The following ABCA5 variants were observed in gnomAD, a reference collection of about 807,000 sequenced individuals.
ABCA5 encodes ATP binding cassette subfamily A member 5.
In ABCA5, 163 loss-of-function variants were observed where a neutral mutation model predicts 206.0. The observed-to-expected ratio is 0.79, with a 90% confidence interval of 0.70 to 0.90. The LOEUF (loss-of-function observed/expected upper bound fraction) is 0.90, where lower values mean the gene tolerates loss of function less well. ABCA5 is among the 40% of genes least tolerant of loss of function. The pLI is 0.00. For synonymous variants in ABCA5, 609 were observed against 613.8 expected, an observed-to-expected ratio of 0.99 and a Z score of 0.11; for missense variants, 1,859 against 1,912.9, an observed-to-expected ratio of 0.97 and a Z score of 0.53.
In ABCA5 at chr17:69,261,682, T is replaced by TAAAG; in HGVS notation, c.3378_3381dup (p.Lys1128LeufsTer2). 6.6e-7 allele frequency: 1 copy of TAAAG among 1,519,412 alleles called. No individual in the cohort carries two copies. The highest frequency in any genetic ancestry group is 8.9e-7 in the Non-Finnish European group (1 of 1,129,332). 94.1% of individuals were successfully genotyped at this position (1,519,412 alleles called of 1,614,324 possible). A position where few individuals can be genotyped will look rare whatever the true frequency, so the allele number is the denominator to read the frequency against. Reference sequence around the variant, plus strand: ...AATTCTTTGGTATTTAAAATTTTCTTAAAGGTGAAAGAAGCAATATAAGTG... The same window carrying TAAAG: ...AATTCTTTGGTATTTAAAATTTTCTTAAAGAAAGGTGAAAGAAGCAATATAAGTG... On this transcript the variant is annotated frameshift_variant, in exon 25 of 39. Coordinates refer to ENST00000392676, the MANE Select transcript of ABCA5 (RefSeq NM_172232.4). LOFTEE classifies it high-confidence loss of function.
chr17:69,288,423 T>A (rs1300750960), intron 14 of ABCA5, among the ~76,000 whole-genome samples: 1 of 152,212 alleles, frequency 6.6e-6, no homozygotes, highest in Non-Finnish European at 1.5e-5. Context: ...AATCACTCCT[T>A]TGATTTTGTT....
chr17:69,300,935 C>T (rs547684061), intron 9 of ABCA5, among the ~76,000 whole-genome samples: 1 of 152,234 alleles, frequency 6.6e-6, no homozygotes, highest in Non-Finnish European at 1.5e-5. Context: ...AAACTGCTCT[C>T]TTTTTACACG....
intron 8 of ABCA5, among the ~76,000 whole-genome samples, chr17:69,301,855 G>T (rs916551665): frequency 6.6e-6 from 1 of 152,022 alleles, no homozygotes; most frequent in Admixed American, 6.6e-5. Flanking sequence ...TACTATTCTA[G>T]GCTTCAGTCC....
intron 18 of ABCA5, among the ~76,000 whole-genome samples, chr17:69,280,001 A>G (rs1207463081): frequency 6.6e-6 from 1 of 152,230 alleles, no homozygotes; most frequent in Admixed American, 6.5e-5. Context: ...AAACACCAAA[A>G]GCAATAGCAA....
At chr17:69,303,199 C>G (rs950756073) in intron 7 of ABCA5, among the ~76,000 whole-genome samples, 1 of 152,136 alleles carries the variant, frequency 6.6e-6, no homozygotes, top group Non-Finnish European at 1.5e-5. Flanking sequence ...CTCACTGCAA[C>G]CTCCACCTCC....
At chr17:69,250,675 T>C (rs916830003) in intron 35 of ABCA5, 54 bp from the exon 36 acceptor site, 3 of 1,362,836 alleles carry the variant, frequency 2.2e-6, no homozygotes, top group South Asian at 1.4e-5. Flanking sequence ...CTTCAAAGAA[T>C]AATCTCTCAC....
chr17:69,293,520 A>C (rs866750736), intron 11 of ABCA5, among the ~76,000 whole-genome samples: 4 of 152,158 alleles, frequency 2.6e-5, no homozygotes, highest in Admixed American at 6.5e-5. Context: ...TGTAGATGTC[A>C]TTAACTTTTA....
chr17:69,301,312 T>C (rs367999400), intron 8 of ABCA5, 26 bp from the exon 9 acceptor site: 2 of 1,573,802 alleles, frequency 1.3e-6, no homozygotes, highest in Non-Finnish European at 1.7e-6. Context: ...ACTAACTTTA[T>C]TACATAAAAA....
At chr17:69,266,619 TA>T in intron 23 of ABCA5, among the ~76,000 whole-genome samples, 1 of 147,030 alleles carries the variant, frequency 6.8e-6, no homozygotes, top group Admixed American at 6.8e-5. Flanking sequence ...TAAATAAAAA[TA>T]AAAAATTTAT....
At position 69,287,695 on chromosome 17, in the gene ABCA5, T is replaced by G; in HGVS notation, c.1959A>C (p.Val653=). ...AGMDPCSRHI[V]WNLLKYRKAN... ...CTTTTCTGTATTTTAAAAGATTCCA[T>G]ACAATATGTCGAGAACAGGGGTCCA... is the stretch of plus-strand genomic sequence containing the variant. Residue 653 remains valine (V), a synonymous_variant, in exon 15 of 39, where the codon GTA becomes GTC. Transcript: ENST00000392676. The G allele has an allele frequency of 6.2e-7, 1 of 1,613,956 alleles. No homozygotes were observed. The highest frequency in any genetic ancestry group is 8.5e-7 in the Non-Finnish European group (1 of 1,179,922).
At position 69,289,970 on chromosome 17, in the gene ABCA5, A is replaced by T; in HGVS notation, c.1674T>A (p.Ile558=). 6.2e-7 allele frequency: 1 copy of T among 1,612,542 alleles called. No homozygotes were observed. The highest frequency in any genetic ancestry group is 8.5e-7 in the Non-Finnish European group (1 of 1,179,340). Residue 558 remains isoleucine (I), a synonymous_variant, in exon 13 of 39, where the codon ATT becomes ATA. Transcript: ENST00000392676. ...IDEMFEARKM[I]GICPQLDIHF... is the part of the protein sequence containing the mutation. Reference sequence around the variant, plus strand: ...GTATATCTAACTGTGGACAAATGCCAATCATTTTTCTTGCTTCAAACATTT... The same window carrying T: ...GTATATCTAACTGTGGACAAATGCCTATCATTTTTCTTGCTTCAAACATTT...
At chr17:69,300,383 T>G (rs1337916535) in intron 9 of ABCA5, among the ~76,000 whole-genome samples, 1 of 152,202 alleles carries the variant, frequency 6.6e-6, no homozygotes, top group Non-Finnish European at 1.5e-5. Flanking sequence ...TGCCTCCTAC[T>G]GTGCAGCCCA....
chr17:69,297,462 AT>A, intron 9 of ABCA5, 103 bp from the exon 10 acceptor site: 1 of 925,190 alleles, frequency 1.1e-6, no homozygotes, highest in South Asian at 1.7e-5. Flanking sequence ...TTTAGGTACC[AT>A]TCCGCAACAT....
intron 34 of ABCA5, 150 bp from the exon 35 acceptor site, chr17:69,252,016 A>ACTTTTATATGCTTTTT: frequency 1.6e-6 from 1 of 612,598 alleles, no homozygotes; most frequent in Non-Finnish European, 2.6e-6. Context: ...CCCAACTATG[A>ACTTTTATATGCTTTTT]TTTTTTTTTT....
intron 21 of ABCA5, 88 bp downstream of exon 21, chr17:69,271,074 G>A: frequency 1.4e-6 from 2 of 1,458,682 alleles, no homozygotes; most frequent in Non-Finnish European, 1.8e-6. Flanking sequence ...AACTCATAAG[G>A]TCAAATCAAC....
At chr17:69,307,096 TGA>T (rs2075726065) in intron 5 of ABCA5, 142 bp from the exon 6 acceptor site, 2 of 417,436 alleles carry the variant, frequency 4.8e-6, no homozygotes, top group East Asian at 3.6e-5. Context: ...TGAAATAAAG[TGA>T]GTGACCCCAA....
intron 1 of ABCA5, among the ~76,000 whole-genome samples, chr17:69,325,085 C>T (rs1422837648): frequency 6.7e-6 from 1 of 148,324 alleles, no homozygotes; most frequent in East Asian, 2.0e-4. Flanking sequence ...GGGAGGAAGG[C>T]TTGAGCCCAA....
chr17:69,321,399 C>A (rs2075864342), intron 1 of ABCA5, among the ~76,000 whole-genome samples: 1 of 152,166 alleles, frequency 6.6e-6, no homozygotes, highest in Admixed American at 6.5e-5. Context: ...AAGGGTTTGA[C>A]TTATCAGGTG....
chr17:69,248,348 ATC>A (rs1321630833), intron 37 of ABCA5, 31 bp from the exon 38 acceptor site: 1 of 1,359,716 alleles, frequency 7.4e-7, no homozygotes, highest in Admixed American at 2.0e-5. Flanking sequence ...TATTTTACTT[ATC>A]AATATCTGAA....
Sources: gnomAD v4.1 joint callset for allele counts (sites outside exome capture counted in the v4.1 genomes callset) on GRCh38, gnomAD v4.1.1 for gene constraint, MANE v1.5 for transcripts, NCBI Gene and HGNC (gene_info 2026-07-23, HGNC 2026-07-21) for gene names.